Variants in DAAM2 observed in about 807,000 individuals in gnomAD.
DAAM2 encodes the protein disheveled-associated activator of morphogenesis 2.
DAAM2 carries 39 observed loss-of-function variants against 120.7 expected under a neutral mutation model. The observed-to-expected ratio is 0.32, with a 90% CI of 0.25 to 0.42. DAAM2 has a LOEUF of 0.42. Ranked by LOEUF, DAAM2 falls within the 10% of genes least tolerant of loss-of-function variation. The pLI is 1.00. For missense variants in DAAM2, 1,283 were observed against 1,401.7 expected, an observed-to-expected ratio of 0.92 and a Z score of 1.35; for synonymous variants, 488 against 524.9, an observed-to-expected ratio of 0.93 and a Z score of 0.96.
rs9471193 is a variant in DAAM2 at position 39,860,520 on chromosome 6, T to C, written c.169-408T>C. On this transcript the variant is annotated intron_variant, in intron 2 of 24. Transcript: ENST00000274867. ...AGAACGAGATCTGCAGACAATTCCC[T>C]TCTTTGTTAGGCTTTGTATTATGGT... is the stretch of plus-strand genomic sequence containing the variant. Among the ~76,000 whole-genome samples, 434 of 152,322 alleles carry C rather than the reference T, an allele frequency of 2.8e-3. 1 individual carries two copies. The highest frequency in any genetic ancestry group is 9.1e-3 in the African/African-American group (380 of 41,564).
intron 1 of DAAM2, among the ~76,000 whole-genome samples, chr6:39,794,716 A>G (rs867195262): frequency 6.6e-6 from 1 of 152,204 alleles, no homozygotes; most frequent in Non-Finnish European, 1.5e-5. Flanking sequence ...ATTACTAAAG[A>G]GCCTTGGATC....
chr6:39,852,886 A>G (rs1763867907), intron 1 of DAAM2, among the ~76,000 whole-genome samples: 1 of 152,208 alleles, frequency 6.6e-6, no homozygotes, highest in Non-Finnish European at 1.5e-5. Flanking sequence ...GGTTCAGATG[A>G]TGGAAGCAGC....
rs1371094288 is a variant in DAAM2 at position 39,868,939 on chromosome 6, G to A, written c.873+6G>A. ...TCAATGCTGGAGCTGGAGAGGTGGGGTGCCTTCTCCTTGCCCTTGCTGTTC... is the reference window on the plus strand; with the variant it reads ...TCAATGCTGGAGCTGGAGAGGTGGGATGCCTTCTCCTTGCCCTTGCTGTTC... On this transcript the variant is annotated splice_donor_region_variant and intron_variant, in intron 7 of 24. Coordinates refer to ENST00000274867, the MANE Select transcript of DAAM2 (RefSeq NM_001201427.2). The A allele has an allele frequency of 6.4e-7, 1 of 1,555,108 alleles. No individual in the cohort carries two copies. Among genetic ancestry groups the A allele is most frequent in the East Asian group, 2.4e-5 (1 of 42,022 alleles).
At chr6:39,890,611 G>A (rs1436172922) in intron 17 of DAAM2, among the ~76,000 whole-genome samples, 1 of 152,168 alleles carries the variant, frequency 6.6e-6, no homozygotes, top group Non-Finnish European at 1.5e-5. Flanking sequence ...CTGAAGTGAT[G>A]AAAAATAACT....
chr6:39,855,209 C>G (rs1013690108), intron 1 of DAAM2, among the ~76,000 whole-genome samples: 3 of 152,088 alleles, frequency 2.0e-5, no homozygotes, highest in Admixed American at 2.0e-4. Flanking sequence ...TTGTCAGGAA[C>G]GAGTGGTTGA....
intron 19 of DAAM2, among the ~76,000 whole-genome samples, chr6:39,894,092 C>G (rs1765920201): frequency 6.6e-6 from 1 of 152,090 alleles, no homozygotes; most frequent in African/African-American, 2.4e-5. Context: ...TAAATACATT[C>G]ACCGAATATA....
chr6:39,804,541 TG>T (rs2114022171), intron 1 of DAAM2, among the ~76,000 whole-genome samples: 1 of 152,120 alleles, frequency 6.6e-6, no homozygotes, highest in African/African-American at 2.4e-5. Flanking sequence ...TGTGTGTGTG[TG>T]TGTGTGTGTG....
At chr6:39,795,191 A>G (rs1761664569) in intron 1 of DAAM2, among the ~76,000 whole-genome samples, 1 of 152,204 alleles carries the variant, frequency 6.6e-6, no homozygotes, top group South Asian at 2.1e-4. Context: ...TTGAGATTAG[A>G]TTAAGTAGAT....
In DAAM2 at chr6:39,897,379, G is replaced by A. The variant is rs1016853491; in HGVS notation, c.2618+97G>A. 2.3e-5 allele frequency: 17 copies of A among 755,526 alleles called. No individual in the cohort carries two copies. In the Admixed American group the frequency reaches 3.7e-4, roughly 17 times the overall value. 46.8% of individuals were successfully genotyped at this position (755,526 alleles called of 1,614,324 possible). A position where few individuals can be genotyped will look rare whatever the true frequency, so the allele number is the denominator to read the frequency against. On this transcript the variant is annotated intron_variant, in intron 21 of 24. Transcript: ENST00000274867. ...GTCTACTCTGGGCTTGATGATGGCT[G>A]GTGTGAGACCTCGGTTCTTGTCTTC...
intron 1 of DAAM2, among the ~76,000 whole-genome samples, chr6:39,847,840 C>A (rs1311807224): frequency 6.6e-6 from 1 of 152,170 alleles, no homozygotes; most frequent in East Asian, 1.9e-4. Flanking sequence ...TCAGACCTCA[C>A]AAACTCTCTC....
Position 39,856,474 on chromosome 6 carries a change from A to G in DAAM2, c.168+4A>G, listed in dbSNP as rs575112318. 1 of 1,446,734 alleles carries G rather than the reference A, an allele frequency of 6.9e-7. No individual in the cohort carries two copies. Among genetic ancestry groups the G allele is most frequent in the Non-Finnish European group, 9.1e-7 (1 of 1,094,056 alleles). 89.6% of individuals were successfully genotyped at this position (1,446,734 alleles called of 1,614,324 possible). ...CATCCGCTTTGCAGAGCTGGTGGTC[A>G]GTGAGAGGGTGGGGAGAGACAGTGA... On this transcript the variant is annotated splice_donor_region_variant and intron_variant, in intron 2 of 24. Coordinates refer to ENST00000274867, the MANE Select transcript of DAAM2 (RefSeq NM_001201427.2).
At chr6:39,856,168 G>A in intron 1 of DAAM2, 79 bp from the exon 2 acceptor site, 4 of 1,292,006 alleles carry the variant, frequency 3.1e-6, no homozygotes, top group Non-Finnish European at 2.9e-6. Context: ...TGGGACAGAG[G>A]TTATGAAGGC....
Position 39,901,891 on chromosome 6 carries a change from G to A in DAAM2, c.3061G>A (p.Gly1021Arg). 1.2e-6 allele frequency: 2 copies of A among 1,603,780 alleles called. No individual in the cohort carries two copies. Among genetic ancestry groups the A allele is most frequent in the Non-Finnish European group, 1.7e-6 (2 of 1,172,544 alleles). Residue 1021 changes from glycine (G) to arginine (R), a missense_variant, in exon 25 of 25, where the codon GGA becomes AGA. This residue lies in a region of DAAM2 where 748 missense variants were observed against 768.6 expected (regional missense o/e 0.97). Coordinates refer to ENST00000274867, the MANE Select transcript of DAAM2 (RefSeq NM_001201427.2). The surrounding 1 kb of genome is among the most constrained non-coding windows in gnomAD (Gnocchi z 4.5). ...LAAGSSLEEGGEFDDLVSALR... is the reference protein window; with the variant it reads ...LAAGSSLEEGREFDDLVSALR... ...TGCAGGCAGCTCGCTGGAGGAGGGA[G>A]GAGAGTTCGATGACCTGGTGTCGGC...
chr6:39,806,167 T>A (rs1401525186), intron 1 of DAAM2, among the ~76,000 whole-genome samples: 1 of 152,174 alleles, frequency 6.6e-6, no homozygotes, highest in African/African-American at 2.4e-5. Context: ...AAGAGGGAGA[T>A]GCTCAAAGTG....
At chr6:39,887,792 C>A in intron 16 of DAAM2, 200 bp downstream of exon 16, 1 of 531,382 alleles carries the variant, frequency 1.9e-6, no homozygotes, top group Non-Finnish European at 3.4e-6. Context: ...TCACGAGGCC[C>A]TTGCCCAGCC....
chr6:39,868,745 A>G, intron 6 of DAAM2, 78 bp from the exon 7 acceptor site: 1 of 1,043,020 alleles, frequency 9.6e-7, no homozygotes, highest in Non-Finnish European at 1.4e-6. Flanking sequence ...AGTGGAGGCG[A>G]CAGGAGTAAA....
At chr6:39,818,192 A>AAC (rs1554167529) in intron 1 of DAAM2, among the ~76,000 whole-genome samples, 1 of 145,712 alleles carries the variant, frequency 6.9e-6, no homozygotes, top group Non-Finnish European at 1.5e-5. Flanking sequence ...TAAAAAAAAA[A>AAC]AAAAAAAAAA....
chr6:39,807,612 GTT>G (rs1269349668), intron 1 of DAAM2, among the ~76,000 whole-genome samples: 2 of 152,148 alleles, frequency 1.3e-5, no homozygotes, highest in Non-Finnish European at 2.9e-5. Flanking sequence ...CGCCTCCTGG[GTT>G]CAAGTGATTC....
Position 39,898,863 on chromosome 6 carries a change from G to T in DAAM2, c.2619-14G>T. ...TGATGGTCCTCATTCCCTTCCCTCT[G>T]TGTCTCCTTACAGCCTAGCAGAACT... On this transcript the variant is annotated splice_polypyrimidine_tract_variant and intron_variant, in intron 21 of 24. Coordinates refer to ENST00000274867, the MANE Select transcript of DAAM2 (RefSeq NM_001201427.2). 2.5e-6 allele frequency: 4 copies of T among 1,609,516 alleles called. No homozygotes were observed. The highest frequency in any genetic ancestry group is 3.4e-6 in the Non-Finnish European group (4 of 1,177,208).
Sources: gnomAD v4.1 joint callset for allele counts (sites outside exome capture counted in the v4.1 genomes callset) on GRCh38, gnomAD v4.1.1 for gene constraint, gnomAD v4.1.1 regional missense constraint, Gnocchi (gnomAD v3.1) non-coding constraint, MANE v1.5 for transcripts, NCBI Gene and HGNC (gene_info 2026-07-23, HGNC 2026-07-21) for gene names.